The following CEACAM1 variants were observed in gnomAD, a reference collection of about 807,000 sequenced individuals.
CEACAM1 encodes the protein CEA cell adhesion molecule 1.
Under a neutral mutation model 49.1 loss-of-function variants are expected in CEACAM1, and 31 were observed. The observed-to-expected ratio is 0.63, with a 90% CI of 0.47 to 0.85. CEACAM1 has a LOEUF of 0.85. CEACAM1 is among the 40% of genes least tolerant of loss of function. The pLI is 0.00. For missense variants in CEACAM1, 570 were observed against 645.3 expected, an observed-to-expected ratio of 0.88 and a Z score of 1.26; for synonymous variants, 244 against 247.8, an observed-to-expected ratio of 0.98 and a Z score of 0.14.
At position 42,509,214 on chromosome 19, in the gene CEACAM1, A is replaced by C. The variant is rs1383684742; in HGVS notation, c.1476T>G (p.Thr492=). 1 of 1,611,068 alleles carries C rather than the reference A, an allele frequency of 6.2e-7. No individual in the cohort carries two copies. The highest frequency in any genetic ancestry group is 8.5e-7 in the Non-Finnish European group (1 of 1,178,614). ...NDPPNKMNEV[T]YSTLNFEAQQ... ...GGGCTTCAAAGTTCAGGGTAGAATA[A>C]GTAACTTCATTCATCTGAAAAGCAC... Residue 492 remains threonine (T), a synonymous_variant, in exon 9 of 9, where the codon ACT becomes ACG. Coordinates refer to ENST00000161559, the MANE Select transcript of CEACAM1 (RefSeq NM_001712.5).
rs534236574 is a variant in CEACAM1 at position 42,508,425 on chromosome 19, G to C, written c.*684C>G. On this transcript the variant is annotated 3_prime_UTR_variant, in exon 9 of 9. Transcript: ENST00000161559. ...TGCATTTTCCATCAGGAATTGCCTTGGATTTTGGCAAGTGATTTTCCTAGT... is the reference window on the plus strand; with the variant it reads ...TGCATTTTCCATCAGGAATTGCCTTCGATTTTGGCAAGTGATTTTCCTAGT... 1 of 152,382 alleles carries C rather than the reference G, an allele frequency of 6.6e-6. No individual in the cohort carries two copies. The highest frequency in any genetic ancestry group is 2.4e-5 in the African/African-American group (1 of 41,450). The allele number at this position is 152,382 out of a possible 1,614,324, so 9.4% of individuals were successfully genotyped here.
chr19:42,528,462 T>A lies in CEACAM1; in HGVS notation c.-88A>T. 1 of 1,282,192 alleles carries A rather than the reference T, an allele frequency of 7.8e-7. No individual in the cohort carries two copies. Among genetic ancestry groups the A allele is most frequent in the Non-Finnish European group, 1.1e-6 (1 of 886,542 alleles). The allele number at this position is 1,282,192 out of a possible 1,614,324, so 79.4% of individuals were successfully genotyped here. The stretch of plus-strand genomic sequence containing the variant: ...AGCACGGCTGCTCTGTCACCTCTGC[T>A]GTTTTCCACTCTCTGTGCTGAGCCT... On this transcript the variant is annotated 5_prime_UTR_variant, in exon 1 of 9. Transcript: ENST00000161559.
intron 5 of CEACAM1, chr19:42,515,075 C>T: frequency 1.5e-6 from 1 of 665,224 alleles, no homozygotes; most frequent in South Asian, 1.6e-5. Flanking sequence ...TCGAGTCCAG[C>T]CTGGGTAACA....
chr19:42,519,565 A>G (rs999384198), intron 4 of CEACAM1: 45 of 197,310 alleles, frequency 2.3e-4, no homozygotes, highest in Non-Finnish European at 3.9e-4. Context: ...TGTTTTTCCC[A>G]CTGACTTTTT....
intron 2 of CEACAM1, among the ~76,000 whole-genome samples, chr19:42,524,445 G>C (rs2041838399): frequency 6.6e-6 from 1 of 152,208 alleles, no homozygotes; most frequent in African/African-American, 2.4e-5. Flanking sequence ...TCAGTATAGA[G>C]AGTGTATGGA....
At position 42,527,158 on chromosome 19, in the gene CEACAM1, G is replaced by A. The variant is rs765778184; in HGVS notation, c.307C>T (p.Pro103Ser). ...PANSGRETIY[P>S]NASLLIQNVT... ...TTCTGGATCAGCAGGGATGCATTGG[G>A]GTATATTGTCTCTCGACCGCTGTTT... is the stretch of plus-strand genomic sequence containing the variant. The change falls in exon 2 of 9, where the codon CCC becomes TCC. Residue 103 changes from proline to serine, a missense_variant. Pro to Ser is a moderately conservative substitution (Grantham distance 74). Coordinates refer to ENST00000161559, the MANE Select transcript of CEACAM1 (RefSeq NM_001712.5). The A allele has an allele frequency of 9.3e-6, 15 of 1,614,152 alleles. No individual in the cohort carries two copies. Among genetic ancestry groups the A allele is most frequent in the Non-Finnish European group, 1.3e-5 (15 of 1,180,018 alleles).
chr19:42,522,489 A>G (rs1029214431), intron 2 of CEACAM1, among the ~76,000 whole-genome samples: 19 of 151,360 alleles, frequency 1.3e-4, no homozygotes, highest in Admixed American at 1.1e-3. Context: ...AGCTCTGGCA[A>G]TCCGCCCGAT....
At chr19:42,526,256 G>A (rs1367442356) in intron 2 of CEACAM1, among the ~76,000 whole-genome samples, 6 of 152,020 alleles carry the variant, frequency 3.9e-5, no homozygotes, top group South Asian at 2.1e-4. Context: ...GCTCCCGGCC[G>A]CAGCATCTAT....
chr19:42,515,382 T>G (rs1306999592), intron 5 of CEACAM1, among the ~76,000 whole-genome samples: 1 of 152,168 alleles, frequency 6.6e-6, no homozygotes. Flanking sequence ...GAAAGAAATT[T>G]ATAACTGTAG....
intron 5 of CEACAM1, among the ~76,000 whole-genome samples, chr19:42,518,110 C>T (rs1364151201): frequency 1.3e-5 from 2 of 152,178 alleles, no homozygotes; most frequent in Admixed American, 6.5e-5. Flanking sequence ...ATGCTTCCAT[C>T]TGTATGAGAG....
In CEACAM1 at chr19:42,527,153, A is replaced by G; in HGVS notation, c.312T>C (p.Asn104=). 1 of 1,614,188 alleles carries G rather than the reference A, an allele frequency of 6.2e-7. No individual in the cohort carries two copies. Among genetic ancestry groups the G allele is most frequent in the Non-Finnish European group, 8.5e-7 (1 of 1,180,018 alleles). The change falls in exon 2 of 9, where the codon AAT becomes AAC. Residue 104 remains asparagine, a synonymous_variant. Transcript: ENST00000161559. ...ANSGRETIYP[N]ASLLIQNVTQ... ...TGACGTTCTGGATCAGCAGGGATGC[A>G]TTGGGGTATATTGTCTCTCGACCGC...
At chr19:42,514,851 G>C (rs921954406) in intron 5 of CEACAM1, among the ~76,000 whole-genome samples, 1 of 152,152 alleles carries the variant, frequency 6.6e-6, no homozygotes, top group Non-Finnish European at 1.5e-5. Context: ...TCTGAGATTT[G>C]ACCCTAGGAC....
At chr19:42,516,962 A>G (rs1244797109) in intron 5 of CEACAM1, 1 of 334,082 alleles carries the variant, frequency 3.0e-6, no homozygotes, top group Non-Finnish European at 5.7e-6. Flanking sequence ...TAATCAAAAC[A>G]GTATGGTACT....
intron 1 of CEACAM1, among the ~76,000 whole-genome samples, 169 bp from the exon 2 acceptor site, chr19:42,527,569 A>C (rs982812869): frequency 1.4e-4 from 20 of 147,456 alleles, no homozygotes; most frequent in African/African-American, 4.3e-4. Context: ...CAAGGTCAGC[A>C]GTGTGACTCC....
intron 6 of CEACAM1, 74 bp downstream of exon 6, chr19:42,512,275 CA>C: frequency 1.3e-6 from 2 of 1,553,642 alleles, no homozygotes; most frequent in Admixed American, 1.7e-5. Flanking sequence ...CAGAGACAGG[CA>C]AAGAATTCTT....
chr19:42,508,993 A>C lies in CEACAM1; in HGVS notation c.*116T>G. The C allele has an allele frequency of 8.2e-7, 1 of 1,221,076 alleles. No individual in the cohort carries two copies. The highest frequency in any genetic ancestry group is 1.2e-6 in the Non-Finnish European group (1 of 853,462). The allele number at this position is 1,221,076 out of a possible 1,614,324, so 75.6% of individuals were successfully genotyped here. A position where few individuals can be genotyped will look rare whatever the true frequency, so the allele number is the denominator to read the frequency against. ...GAGATGCCTATTAGGAAGGAAGAGT[A>C]GGAGAAAGTTGTTTCTGTCCCCACC... is the stretch of plus-strand genomic sequence containing the variant. On this transcript the variant is annotated 3_prime_UTR_variant, in exon 9 of 9. Coordinates refer to ENST00000161559, the MANE Select transcript of CEACAM1 (RefSeq NM_001712.5).
rs1432939598 is a variant in CEACAM1 at position 42,513,915 on chromosome 19, T to TATATAAATAA, written c.1247-1437_1247-1436insTTATTTATAT. Among the ~76,000 whole-genome samples, 299 of 129,772 alleles carry TATATAAATAA rather than the reference T, an allele frequency of 2.3e-3. 6 individuals are homozygous for TATATAAATAA. The highest frequency in any genetic ancestry group is 0.01 in the African/African-American group (281 of 27,174). 85.1% of individuals were successfully genotyped at this position (129,772 alleles called of 152,430 possible). On this transcript the variant is annotated intron_variant, in intron 5 of 8. Coordinates refer to ENST00000161559, the MANE Select transcript of CEACAM1 (RefSeq NM_001712.5). ...CTCCATATATATATATATATATATA[T>TATATAAATAA]ATAATATATAAATAATACCTTTTGC... is the stretch of plus-strand genomic sequence containing the variant.
rs765768246 is a variant in CEACAM1, at chr19:42,511,614, C to T, written c.1391G>A (p.Arg464His). The T allele has an allele frequency of 9.9e-6, 16 of 1,613,822 alleles. No homozygotes were observed. The highest frequency in any genetic ancestry group is 4.5e-5 in the East Asian group (2 of 44,890). Reference protein sequence around the residue: ...FGKTGRASDQRDLTEHKPSVS... With the variant: ...FGKTGRASDQHDLTEHKPSVS... The stretch of plus-strand genomic sequence containing the variant: ...TGAGGGTTTGTGCTCTGTGAGATCA[C>T]GCTGGTCGCTTGCCCTAAATAAATA... The change falls in exon 7 of 9, where the codon CGT becomes CAT. Residue 464 changes from arginine to histidine, a missense_variant. Coordinates refer to ENST00000161559, the MANE Select transcript of CEACAM1 (RefSeq NM_001712.5).
intron 8 of CEACAM1, among the ~76,000 whole-genome samples, chr19:42,509,747 C>G (rs2041410921): frequency 6.6e-6 from 1 of 152,108 alleles, no homozygotes; most frequent in Non-Finnish European, 1.5e-5. Flanking sequence ...CTGTCTCAGC[C>G]TCCCAAGTAG....
Sources: allele counts gnomAD v4.1 joint callset (sites outside exome capture counted in the v4.1 genomes callset), GRCh38; gene constraint gnomAD v4.1.1; transcripts MANE v1.5; gene names NCBI Gene and HGNC (gene_info 2026-07-23, HGNC 2026-07-21).